Variants in TJP1 observed in about 807,000 individuals in gnomAD.
TJP1 encodes the protein tight junction protein 1.
In TJP1, 43 loss-of-function variants were observed where a neutral mutation model predicts 194.2. The ratio of observed to expected loss-of-function variants is 0.22; its 90% confidence interval spans 0.17 to 0.29. The LOEUF is 0.29. Ranked by LOEUF, TJP1 falls within the 10% of genes least tolerant of loss-of-function variation. TJP1 has a pLI of 1.00. For missense variants in TJP1, 1,971 were observed against 2,185.7 expected, an observed-to-expected ratio of 0.90 and a Z score of 1.96; for synonymous variants, 801 against 779.0, an observed-to-expected ratio of 1.03 and a Z score of -0.47.
chr15:29,948,899 C>T (rs2055380414), intron 2 of TJP1, among the ~76,000 whole-genome samples: 1 of 151,946 alleles, frequency 6.6e-6, no homozygotes, highest in African/African-American at 2.4e-5. Flanking sequence ...TCTACCTCCA[C>T]ATCTACTACT....
intron 2 of TJP1, among the ~76,000 whole-genome samples, chr15:29,839,127 T>C (rs931067726): frequency 3.3e-5 from 5 of 149,930 alleles, no homozygotes; most frequent in African/African-American, 1.2e-4. Flanking sequence ...GCCTCCCGAG[T>C]AGCTGGGACT....
chr15:29,906,485 A>C (rs1294123694), intron 2 of TJP1, among the ~76,000 whole-genome samples: 1 of 149,960 alleles, frequency 6.7e-6, no homozygotes, highest in East Asian at 1.9e-4. Flanking sequence ...ATAAATAAAT[A>C]AATAAATAAA....
At chr15:29,927,299 G>A (rs2054556963) in intron 2 of TJP1, among the ~76,000 whole-genome samples, 1 of 151,666 alleles carries the variant, frequency 6.6e-6, no homozygotes, top group Non-Finnish European at 1.5e-5. Context: ...CAGCCTGGGT[G>A]ACAAAGCAAG....
intron 15 of TJP1, chr15:29,729,225 AGGAGGC>A (rs1485711778): frequency 6.6e-6 from 1 of 152,306 alleles, no homozygotes; most frequent in Non-Finnish European, 1.5e-5. Context: ...GCTTGAACCC[AGGAGGC>A]GGAGGTTGCA....
chr15:29,742,547 A>G (rs1180738242), intron 9 of TJP1, 95 bp downstream of exon 9: 2 of 1,352,990 alleles, frequency 1.5e-6, no homozygotes, highest in Non-Finnish European at 9.7e-7. Flanking sequence ...CATGAGAAGA[A>G]TAATAATTGC....
intron 2 of TJP1, among the ~76,000 whole-genome samples, chr15:29,854,535 C>T (rs2051770418): frequency 6.6e-6 from 1 of 152,144 alleles, no homozygotes; most frequent in African/African-American, 2.4e-5. Flanking sequence ...AATGCCAGGG[C>T]ATCACCAGAA....
At chr15:29,934,626 T>C (rs1205069154) in intron 2 of TJP1, among the ~76,000 whole-genome samples, 2 of 152,242 alleles carry the variant, frequency 1.3e-5, no homozygotes, top group Non-Finnish European at 2.9e-5. Context: ...AGAATGCTTA[T>C]TGACCTCCTT....
At chr15:29,880,426 T>C (rs758883132) in intron 2 of TJP1, among the ~76,000 whole-genome samples, 3 of 152,352 alleles carry the variant, frequency 2.0e-5, no homozygotes, top group East Asian at 1.9e-4. Flanking sequence ...AGTTTCCTCA[T>C]GTCCTTTTTG....
At chr15:29,887,920 TTG>T (rs61003278) in intron 2 of TJP1, among the ~76,000 whole-genome samples, 1,748 of 152,300 alleles carry the variant, frequency 0.011, 25 homozygotes, top group African/African-American at 0.04. Flanking sequence ...TTAAATATAT[TTG>T]TATCTGTGAC....
chr15:29,968,899 C>G (rs560448557), exon 1 of TJP1: 6 of 279,162 alleles, frequency 2.1e-5, no homozygotes, highest in Non-Finnish European at 2.7e-5. Flanking sequence ...GCCCGCCGCA[C>G]CCGCAGCTGC....
At chr15:29,719,246 T>G (rs2042782658) in intron 20 of TJP1, 108 bp from the exon 21 acceptor site, 5 of 1,261,018 alleles carry the variant, frequency 4.0e-6, no homozygotes, top group Middle Eastern at 2.5e-4. Flanking sequence ...GAAAATGGTA[T>G]GTTTTACCAT....
At chr15:29,956,282 T>G in exon 2 of TJP1, 2 of 1,289,036 alleles carry the variant, frequency 1.6e-6, no homozygotes, top group Non-Finnish European at 2.0e-6. Flanking sequence ...CTGTGTAATC[T>G]CCCTTTAATT....
intron 8 of TJP1, among the ~76,000 whole-genome samples, chr15:29,752,917 C>T (rs990881100): frequency 3.3e-5 from 5 of 152,216 alleles, no homozygotes; most frequent in Admixed American, 3.3e-4. Context: ...GAGTTTCCAT[C>T]TCAGGAGCAG....
At chr15:29,906,187 G>C (rs189203550) in intron 2 of TJP1, among the ~76,000 whole-genome samples, 4 of 152,120 alleles carry the variant, frequency 2.6e-5, no homozygotes, top group Admixed American at 2.6e-4. Context: ...TAAAAATAAA[G>C]TTAGGCCGGG....
At chr15:29,759,373 T>C (rs1330889080) in intron 8 of TJP1, 1 of 152,220 alleles carries the variant, frequency 6.6e-6, no homozygotes, top group Non-Finnish European at 1.5e-5. Flanking sequence ...AAACATTGTA[T>C]CTATTAAAGG....
chr15:29,909,927 T>C (rs569179416), intron 2 of TJP1, among the ~76,000 whole-genome samples: 1 of 152,214 alleles, frequency 6.6e-6, no homozygotes, highest in South Asian at 2.1e-4. Context: ...CTTTTAATTT[T>C]AATTATTCTT....
chr15:29,754,916 AAAT>A (rs1405173961), intron 8 of TJP1, among the ~76,000 whole-genome samples: 14 of 152,204 alleles, frequency 9.2e-5, no homozygotes, highest in African/African-American at 3.1e-4. Context: ...CAGTAAGATG[AAAT>A]AATATTTATA....
intron 2 of TJP1, among the ~76,000 whole-genome samples, chr15:29,861,928 C>T (rs1596128742): frequency 6.6e-6 from 1 of 152,116 alleles, no homozygotes; most frequent in African/African-American, 2.4e-5. Context: ...AATCCAAGGT[C>T]ATGAAGACTT....
chr15:29,815,165 G>A (rs964608232), intron 1 of TJP1, among the ~76,000 whole-genome samples: 1 of 152,080 alleles, frequency 6.6e-6, no homozygotes, highest in African/African-American at 2.4e-5. Flanking sequence ...GCCCATAAAG[G>A]AGCAACCTGA....
Sources: gnomAD v4.1 joint callset for allele counts (sites outside exome capture counted in the v4.1 genomes callset) on GRCh38, gnomAD v4.1.1 for gene constraint, MANE v1.5 for transcripts, NCBI Gene and HGNC (gene_info 2026-07-23, HGNC 2026-07-21) for gene names.